NOVA1: variants seen among roughly 807,000 people sequenced by gnomAD.
The protein encoded by NOVA1 is NOVA alternative splicing regulator 1.
In NOVA1, 7 loss-of-function variants were observed where a neutral mutation model predicts 38.0. The observed-to-expected ratio is 0.18, with a 90% CI of 0.10 to 0.35. The LOEUF is 0.35. Among genes scored for constraint, NOVA1 ranks in the 10% least tolerant of loss-of-function variants. The probability of loss-of-function intolerance (pLI) is 1.00; values close to 1 mark genes in which losing one functional copy is unlikely to be tolerated. For missense variants in NOVA1, 460 were observed against 616.0 expected (o/e 0.75, Z 2.68); for synonymous variants, 270 against 232.5 (o/e 1.16, Z -1.47).
intron 2 of NOVA1, among the ~76,000 whole-genome samples, chr14:26,508,455 A>C (rs1887807700): frequency 6.6e-6 from 1 of 151,978 alleles, no homozygotes; most frequent in Non-Finnish European, 1.5e-5. Context: ...TATAATTAGG[A>C]AGGCTCTAAT....
intron 2 of NOVA1, among the ~76,000 whole-genome samples, chr14:26,547,806 T>C (rs1386741954): frequency 2.0e-5 from 3 of 152,108 alleles, no homozygotes; most frequent in Non-Finnish European, 4.4e-5. Context: ...TAGAGATACA[T>C]AGGTATATTA....
intron 2 of NOVA1, among the ~76,000 whole-genome samples, chr14:26,575,572 A>T (rs1892789904): frequency 6.6e-6 from 1 of 152,106 alleles, no homozygotes. Flanking sequence ...TGTCCTTATA[A>T]TCCAGGAAGC....
intron 2 of NOVA1, among the ~76,000 whole-genome samples, chr14:26,532,609 T>C (rs1251075149): frequency 2.0e-5 from 3 of 152,272 alleles, no homozygotes; most frequent in East Asian, 1.9e-4. Context: ...ATGATGGAAA[T>C]ATACCATAGC....
In NOVA1 at chr14:26,457,730, T is replaced by A. The variant is rs1015644672; in HGVS notation, c.520-8767A>T. On this transcript the variant is annotated intron_variant, in intron 4 of 4. Transcript: ENST00000539517. ...CTTATTAAAAAAGAAAAGTTAAAGATAACACAGCCTCAGGCAGGTCCTTCA... is the reference window on the plus strand; with the variant it reads ...CTTATTAAAAAAGAAAAGTTAAAGAAAACACAGCCTCAGGCAGGTCCTTCA... Among the ~76,000 whole-genome samples, 3 of 152,158 alleles carry A rather than the reference T, an allele frequency of 2.0e-5. No homozygotes were observed. The South Asian group carries it at 6.2e-4, about 32-fold the overall frequency.
At chr14:26,536,826 G>C (rs981371518) in intron 2 of NOVA1, among the ~76,000 whole-genome samples, 1 of 152,112 alleles carries the variant, frequency 6.6e-6, no homozygotes, top group African/African-American at 2.4e-5. Context: ...TTTAGAGGGA[G>C]AGGGCATTCA....
chr14:26,495,789 T>C (rs1168963544), intron 2 of NOVA1, among the ~76,000 whole-genome samples: 2 of 146,592 alleles, frequency 1.4e-5, no homozygotes, highest in East Asian at 4.0e-4. Context: ...GAATGATGAT[T>C]TCCAATTTCA....
At chr14:26,479,611 G>T (rs562230739) in intron 3 of NOVA1, 1 of 222,718 alleles carries the variant, frequency 4.5e-6, no homozygotes, top group East Asian at 9.3e-5. Flanking sequence ...CTAAAAATAG[G>T]GTATTGGAAA....
At chr14:26,572,673 A>G (rs1892554530) in intron 2 of NOVA1, among the ~76,000 whole-genome samples, 1 of 151,214 alleles carries the variant, frequency 6.6e-6, no homozygotes. Context: ...ATCAGCAAAG[A>G]CTTCCTGGAT....
intron 2 of NOVA1, among the ~76,000 whole-genome samples, chr14:26,488,298 T>G (rs1224116922): frequency 2.0e-5 from 3 of 152,130 alleles, no homozygotes; most frequent in African/African-American, 4.8e-5. Context: ...TTCAGAAAAA[T>G]CTAAAAATAT....
chr14:26,582,468 T>C (rs573662255), intron 2 of NOVA1, among the ~76,000 whole-genome samples: 6 of 151,952 alleles, frequency 3.9e-5, no homozygotes, highest in Admixed American at 2.0e-4. Context: ...GTTTGCTTTT[T>C]AATGGCTTCA....
At chr14:26,538,267 A>G (rs1409593396) in intron 2 of NOVA1, among the ~76,000 whole-genome samples, 2 of 152,184 alleles carry the variant, frequency 1.3e-5, no homozygotes, top group Non-Finnish European at 2.9e-5. Flanking sequence ...GTAGTAATCA[A>G]AGACAAACAA....
Position 26,446,116 on chromosome 14 carries a change from A to C in NOVA1, c.*1843T>G, listed in dbSNP as rs1422451395. 1.3e-5 allele frequency: 2 copies of C among 152,180 alleles called. No homozygotes were observed. The highest frequency in any genetic ancestry group is 2.9e-5 in the Non-Finnish European group (2 of 67,994). 9.4% of individuals were successfully genotyped at this position (152,180 alleles called of 1,614,324 possible). On this transcript the variant is annotated 3_prime_UTR_variant, in exon 5 of 5. Transcript: ENST00000539517. ...TCATTCTCTAAATAAATATTTAGAG[A>C]TAGAGAACTCTAAATGAAATAACAG... is the stretch of plus-strand genomic sequence containing the variant.
chr14:26,507,271 T>C (rs886289108), intron 2 of NOVA1, among the ~76,000 whole-genome samples: 1 of 69,574 alleles, frequency 1.4e-5, no homozygotes, highest in African/African-American at 3.6e-5. Context: ...TTCAACTCAT[T>C]GTAAAAAAAA....
At chr14:26,463,382 T>TA (rs1281867140) in intron 4 of NOVA1, among the ~76,000 whole-genome samples, 1 of 152,172 alleles carries the variant, frequency 6.6e-6, no homozygotes, top group Non-Finnish European at 1.5e-5. Flanking sequence ...TACACAAACA[T>TA]AAAGTTTTGT....
chr14:26,577,190 C>G (rs1892911441), intron 2 of NOVA1, among the ~76,000 whole-genome samples: 3 of 152,144 alleles, frequency 2.0e-5, no homozygotes, highest in Middle Eastern at 6.8e-3. Flanking sequence ...CACTGTATCT[C>G]CTTTTTTAAG....
intron 2 of NOVA1, among the ~76,000 whole-genome samples, chr14:26,536,981 C>G (rs1890144046): frequency 6.6e-6 from 1 of 152,040 alleles, no homozygotes; most frequent in Non-Finnish European, 1.5e-5. Context: ...TACTCAATGT[C>G]TTAAAATACT....
chr14:26,549,852 G>T (rs967258823), intron 2 of NOVA1: 1 of 626,556 alleles, frequency 1.6e-6, no homozygotes, highest in African/African-American at 1.9e-5. Context: ...GGTGGTGGGT[G>T]AAGTGACTCC....
At chr14:26,583,881 TCACACACACA>T (rs36218600) in intron 2 of NOVA1, among the ~76,000 whole-genome samples, 76,519 of 145,926 alleles carry the variant, frequency 0.52, 23,779 homozygotes, top group South Asian at 0.7. Context: ...AGCATCAAAT[TCACACACACA>T]CACACACACA....
intron 2 of NOVA1, 136 bp from the exon 3 acceptor site, chr14:26,480,279 T>A: frequency 1.4e-6 from 1 of 707,892 alleles, no homozygotes; most frequent in Non-Finnish European, 2.3e-6. Context: ...GAACCACACG[T>A]AATATATACA....
Sources: gnomAD v4.1 joint callset for allele counts (sites outside exome capture counted in the v4.1 genomes callset) on GRCh38, gnomAD v4.1.1 for gene constraint, MANE v1.5 for transcripts, NCBI Gene and HGNC (gene_info 2026-07-23, HGNC 2026-07-21) for gene names.